Variants in ARHGAP32 observed in about 807,000 individuals in gnomAD.
The protein encoded by ARHGAP32 is rho GTPase-activating protein 32.
ARHGAP32 carries 51 observed loss-of-function variants against 186.5 expected under a neutral mutation model. That is an observed-to-expected ratio of 0.27 (90% CI 0.22 to 0.35). ARHGAP32 has a LOEUF of 0.35. Among genes scored for constraint, ARHGAP32 ranks in the 10% least tolerant of loss-of-function variants. The pLI is 1.00. For missense variants in ARHGAP32, 2,186 were observed against 2,623.5 expected, an observed-to-expected ratio of 0.83 and a Z score of 3.64; for synonymous variants, 950 against 964.3, an observed-to-expected ratio of 0.99 and a Z score of 0.27.
intron 11 of ARHGAP32, among the ~76,000 whole-genome samples, chr11:129,035,877 A>G (rs1237028196): frequency 6.6e-6 from 1 of 152,000 alleles, no homozygotes; most frequent in Non-Finnish European, 1.5e-5. Flanking sequence ...CCTTATGCCA[A>G]CTCTGCAATG....
Position 128,968,980 on chromosome 11 carries a change from G to A in ARHGAP32, c.6233C>T (p.Ala2078Val), listed in dbSNP as rs760255811. The A allele has an allele frequency of 3.8e-5, 60 of 1,592,942 alleles. No individual in the cohort carries two copies. Among genetic ancestry groups the A allele is most frequent in the Non-Finnish European group, 5.1e-5 (59 of 1,165,018 alleles). ...GGGCAGGAAGGCCCCTTGACCCAACGCTGTAGCATAGGTCCTGCTCTGTGG... is the reference window on the plus strand; with the variant it reads ...GGGCAGGAAGGCCCCTTGACCCAACACTGTAGCATAGGTCCTGCTCTGTGG... The part of the protein sequence containing the change: ...PHPQSRTYAT[A>V]LGQGAFLPAE... The change falls in exon 23 of 23, where the codon GCG becomes GTG. Residue 2078 changes from alanine (A) to valine (V), a missense_variant. Ala to Val is a moderately conservative substitution (Grantham distance 64). This residue lies in a region of ARHGAP32 where 1,502 missense variants were observed against 1,570.0 expected (regional missense o/e 0.96). Coordinates refer to ENST00000682385, the MANE Select transcript of ARHGAP32 (RefSeq NM_001378024.1).
At chr11:129,258,190 C>CA (rs1188581871) in intron 1 of ARHGAP32, among the ~76,000 whole-genome samples, 31 of 152,198 alleles carry the variant, frequency 2.0e-4, no homozygotes, top group African/African-American at 7.5e-4. Context: ...CTCTATTAAA[C>CA]AACTATCATA....
intron 1 of ARHGAP32, among the ~76,000 whole-genome samples, chr11:129,166,751 A>T (rs1943649806): frequency 6.6e-6 from 1 of 152,132 alleles, no homozygotes; most frequent in South Asian, 2.1e-4. Context: ...AGTAAAGAGA[A>T]TTCCTAATTG....
intron 1 of ARHGAP32, among the ~76,000 whole-genome samples, chr11:129,249,794 A>T (rs1321129626): frequency 6.6e-6 from 1 of 152,204 alleles, no homozygotes; most frequent in Non-Finnish European, 1.5e-5. Context: ...GGTTTTTTTA[A>T]TGAAAACATC....
intron 5 of ARHGAP32, among the ~76,000 whole-genome samples, chr11:129,098,028 A>AT: frequency 6.6e-6 from 1 of 152,204 alleles, no homozygotes; most frequent in Non-Finnish European, 1.5e-5. Flanking sequence ...TCAAAGTGCT[A>AT]AAAGAACTGT....
chr11:129,046,435 G>A (rs567683615), intron 10 of ARHGAP32, among the ~76,000 whole-genome samples: 9 of 151,872 alleles, frequency 5.9e-5, no homozygotes, highest in South Asian at 2.1e-4. Flanking sequence ...CATACACTTC[G>A]TCCTGCGCCT....
upstream of ARHGAP32, among the ~76,000 whole-genome samples, chr11:129,279,539 C>T (rs917203804): frequency 8.9e-5 from 13 of 146,030 alleles, no homozygotes; most frequent in South Asian, 6.3e-4. Flanking sequence ...AGCTGGCCGG[C>T]GCGTGCCCCC....
At chr11:129,270,722 A>G (rs999594240) in intron 1 of ARHGAP32, among the ~76,000 whole-genome samples, 2 of 151,808 alleles carry the variant, frequency 1.3e-5, no homozygotes, top group African/African-American at 4.9e-5. Context: ...ACGTAAAAAT[A>G]GTCTACTTAA....
At chr11:129,026,799 T>TGG (rs1324188457) in intron 11 of ARHGAP32, among the ~76,000 whole-genome samples, 1 of 26,838 alleles carries the variant, frequency 3.7e-5, no homozygotes, top group African/African-American at 2.1e-4. Context: ...GACTCCATCT[T>TGG]GGAAAAAAAA....
intron 1 of ARHGAP32, among the ~76,000 whole-genome samples, chr11:129,229,944 G>A (rs1591707725): frequency 1.3e-5 from 2 of 151,876 alleles, no homozygotes; most frequent in East Asian, 3.9e-4. Context: ...AGTCTCCCTA[G>A]TAGCTGGGAC....
At chr11:128,971,789 A>G (rs1945382056) in intron 22 of ARHGAP32, 5 of 152,334 alleles carry the variant, frequency 3.3e-5, no homozygotes, top group Admixed American at 3.3e-4. Flanking sequence ...TTAATAGTTC[A>G]AGGTGACCAT....
chr11:129,267,505 T>C (rs1565485272), intron 1 of ARHGAP32, among the ~76,000 whole-genome samples: 2 of 151,606 alleles, frequency 1.3e-5, no homozygotes, highest in South Asian at 2.1e-4. Context: ...ATAATTTGTA[T>C]AGACATATGT....
intron 1 of ARHGAP32, among the ~76,000 whole-genome samples, chr11:129,278,666 G>A (rs1478656000): frequency 6.6e-6 from 1 of 152,060 alleles, no homozygotes; most frequent in African/African-American, 2.4e-5. Flanking sequence ...CTCCACGGGA[G>A]CCTAAGGGAG....
At chr11:129,040,784 T>A in intron 11 of ARHGAP32, 144 bp downstream of exon 11, 1 of 594,366 alleles carries the variant, frequency 1.7e-6, no homozygotes, top group Non-Finnish European at 2.9e-6. Context: ...CATTTAAAAA[T>A]CAAAACCATA....
chr11:129,174,452 G>A (rs1049787682), intron 1 of ARHGAP32, among the ~76,000 whole-genome samples: 28 of 152,312 alleles, frequency 1.8e-4, no homozygotes, highest in African/African-American at 6.3e-4. Context: ...AGCTCAAGGA[G>A]GCCTGCCTGC....
At chr11:129,075,081 A>T (rs1028431103) in intron 6 of ARHGAP32, among the ~76,000 whole-genome samples, 23 of 152,304 alleles carry the variant, frequency 1.5e-4, no homozygotes, top group Admixed American at 1.3e-3. Flanking sequence ...AAAGGAGACA[A>T]AGTATGGAAA....
chr11:128,991,490 C>G (rs944904327), intron 12 of ARHGAP32, among the ~76,000 whole-genome samples: 1 of 151,540 alleles, frequency 6.6e-6, no homozygotes, highest in Non-Finnish European at 1.5e-5. Context: ...TATTTTTTCA[C>G]GAAAGAGTAG....
At chr11:129,091,005 G>A (rs985224215) in intron 6 of ARHGAP32, among the ~76,000 whole-genome samples, 2 of 151,992 alleles carry the variant, frequency 1.3e-5, no homozygotes, top group African/African-American at 2.4e-5. Context: ...ACCTTTGTTC[G>A]TTTACTCAGA....
At chr11:129,024,511 C>G (rs1938745582) in intron 11 of ARHGAP32, among the ~76,000 whole-genome samples, 2 of 152,112 alleles carry the variant, frequency 1.3e-5, no homozygotes, top group Non-Finnish European at 2.9e-5. Context: ...GCTGAGAAAA[C>G]AAATCTTTTA....
Sources: gnomAD v4.1 joint callset for allele counts (sites outside exome capture counted in the v4.1 genomes callset) on GRCh38, gnomAD v4.1.1 for gene constraint, gnomAD v4.1.1 regional missense constraint, MANE v1.5 for transcripts, NCBI Gene and HGNC (gene_info 2026-07-23, HGNC 2026-07-21) for gene names.